The following DNASE1 variants were observed in gnomAD, a reference collection of about 807,000 sequenced individuals.
DNASE1 encodes deoxyribonuclease 1.
A neutral mutation model predicts 33.9 loss-of-function variants in DNASE1; 40 were observed. The ratio of observed to expected loss-of-function variants is 1.18; its 90% CI spans 0.92 to 1.54. The LOEUF (loss-of-function observed/expected upper bound fraction) is 1.54, where lower values mean the gene tolerates loss of function less well. Ranked by LOEUF, DNASE1 falls within the 40% of genes most tolerant of loss-of-function variation. The probability of loss-of-function intolerance (pLI) is 0.00; values close to 1 mark genes in which losing one functional copy is unlikely to be tolerated. For missense variants in DNASE1, 518 were observed against 372.6 expected, an observed-to-expected ratio of 1.39 and a Z score of -3.21; for synonymous variants, 216 against 160.0, an observed-to-expected ratio of 1.35 and a Z score of -2.64.
intron 8 of DNASE1, 32 bp from the exon 9 acceptor site, chr16:3,657,874 T>C (rs2042796636): frequency 6.2e-7 from 1 of 1,613,956 alleles, no homozygotes; most frequent in South Asian, 1.1e-5. Flanking sequence ...TCAGGTAGGC[T>C]CAGCCCAGAC....
At chr16:3,653,309 G>A (rs901492694), upstream of DNASE1, 1 of 152,218 alleles carries the variant, frequency 6.6e-6, no homozygotes, top group African/African-American at 2.4e-5. Context: ...CAGACGTCCA[G>A]TCTCCGGAAT....
downstream of DNASE1, chr16:3,658,324 G>C (rs370167552): frequency 1.0e-6 from 1 of 994,462 alleles, no homozygotes; most frequent in Admixed American, 2.2e-5. Flanking sequence ...GCCGAGGCTG[G>C]AGTGCAGAGG....
chr16:3,645,717 C>T (rs554237595), intron 1 of DNASE1, among the ~76,000 whole-genome samples: 33 of 152,268 alleles, frequency 2.2e-4, no homozygotes, highest in African/African-American at 7.9e-4. Flanking sequence ...GCCTGCTGAG[C>T]GTGACTGTGC....
At chr16:3,614,051 T>C (rs1215564932) in intron 1 of DNASE1, among the ~76,000 whole-genome samples, 1 of 151,858 alleles carries the variant, frequency 6.6e-6, no homozygotes, top group Non-Finnish European at 1.5e-5. Context: ...TACCTGGGAC[T>C]ACAGGCGCCC....
intron 1 of DNASE1, among the ~76,000 whole-genome samples, chr16:3,615,931 C>T (rs1438120202): frequency 1.3e-5 from 2 of 152,212 alleles, no homozygotes; most frequent in South Asian, 2.1e-4. Flanking sequence ...AACCTGTCCA[C>T]CTCCCTCTCC....
downstream of DNASE1, chr16:3,661,843 A>T (rs2043094317): frequency 5.4e-6 from 6 of 1,119,524 alleles, no homozygotes; most frequent in Non-Finnish European, 7.2e-6. Flanking sequence ...GTGCAGCCTA[A>T]ACTGCATACA....
exon 10 of DNASE1, chr16:3,664,696 G>T (rs969930240): frequency 3.9e-6 from 2 of 517,428 alleles, no homozygotes; most frequent in Non-Finnish European, 3.4e-6. Context: ...TGGCCCAGGG[G>T]CTCTCCAGGG....
intron 1 of DNASE1, among the ~76,000 whole-genome samples, chr16:3,617,015 A>G (rs914689302): frequency 5.9e-5 from 9 of 152,116 alleles, no homozygotes; most frequent in African/African-American, 9.7e-5. Context: ...CAAAGACCCA[A>G]TGGAAGAGTG....
At chr16:3,655,322 C>G (rs1352517440) in intron 1 of DNASE1, 51 bp from the exon 2 acceptor site, 4 of 1,610,966 alleles carry the variant, frequency 2.5e-6, no homozygotes, top group Admixed American at 1.7e-5. Context: ...AGTGCTGTGG[C>G]AGGGATGACG....
At chr16:3,631,012 C>A (rs1315460883) in intron 1 of DNASE1, among the ~76,000 whole-genome samples, 1 of 151,694 alleles carries the variant, frequency 6.6e-6, no homozygotes, top group Non-Finnish European at 1.5e-5. Context: ...TTTCTATATA[C>A]CTTATAGGAT....
chr16:3,662,166 G>A, downstream of DNASE1: 2 of 1,591,134 alleles, frequency 1.3e-6, no homozygotes, highest in Non-Finnish European at 1.7e-6. Flanking sequence ...GGGTGATAGA[G>A]GTTCCCAATG....
chr16:3,614,786 A>C (rs1198945917), intron 1 of DNASE1, among the ~76,000 whole-genome samples: 1 of 152,178 alleles, frequency 6.6e-6, no homozygotes, highest in Admixed American at 6.5e-5. Flanking sequence ...GGATACAGAA[A>C]ATTTTTTTAA....
At chr16:3,627,467 A>G (rs2041550451) in intron 1 of DNASE1, among the ~76,000 whole-genome samples, 2 of 151,582 alleles carry the variant, frequency 1.3e-5, no homozygotes, top group African/African-American at 4.8e-5. Context: ...TATAGAGACA[A>G]GGCCTCACTA....
At chr16:3,663,317 A>T in exon 10 of DNASE1, 1 of 1,461,408 alleles carries the variant, frequency 6.8e-7, no homozygotes, top group Non-Finnish European at 9.2e-7. Context: ...GGGGTGGCTG[A>T]GCCCAGGTCA....
intron 1 of DNASE1, among the ~76,000 whole-genome samples, chr16:3,615,258 G>T (rs1162808422): frequency 6.6e-6 from 1 of 152,144 alleles, no homozygotes; most frequent in African/African-American, 2.4e-5. Context: ...GCTGGGTCAG[G>T]GTGGTGCATG....
chr16:3,648,837 A>G (rs970850946), intron 1 of DNASE1, among the ~76,000 whole-genome samples: 4 of 152,246 alleles, frequency 2.6e-5, no homozygotes, highest in African/African-American at 9.6e-5. Context: ...TCTAAGGTCC[A>G]TACATTTTGT....
rs746683533 is a variant in DNASE1 at position 3,658,088 on chromosome 16, G to C, written c.*135G>C. The C allele has an allele frequency of 6.2e-7, 1 of 1,610,402 alleles. No individual in the cohort carries two copies. The highest frequency in any genetic ancestry group is 8.5e-7 in the Non-Finnish European group (1 of 1,177,036). On this transcript the variant is annotated 3_prime_UTR_variant, in exon 9 of 9. Coordinates refer to ENST00000246949, the MANE Select transcript of DNASE1 (RefSeq NM_005223.4). ...AGGTAAATAAAGCTCAAGGAGGTGG[G>C]GCTGTCATCTGTGGTGTCAGTCCTT...
intron 1 of DNASE1, among the ~76,000 whole-genome samples, chr16:3,628,243 A>G (rs889118222): frequency 6.6e-6 from 1 of 152,064 alleles, no homozygotes; most frequent in Non-Finnish European, 1.5e-5. Context: ...CAAATTGTTC[A>G]GTGTTAGTAT....
intron 1 of DNASE1, among the ~76,000 whole-genome samples, chr16:3,622,325 T>C (rs1245987340): frequency 6.6e-6 from 1 of 152,176 alleles, no homozygotes; most frequent in East Asian, 1.9e-4. Flanking sequence ...CATTTTGTCT[T>C]TTACTATTTC....
Sources: allele counts gnomAD v4.1 joint callset (sites outside exome capture counted in the v4.1 genomes callset), GRCh38; gene constraint gnomAD v4.1.1; transcripts MANE v1.5; gene names NCBI Gene and HGNC (gene_info 2026-07-23, HGNC 2026-07-21).